Variants in KANK1 observed in about 807,000 individuals in gnomAD.
KANK1 encodes the protein KN motif and ankyrin repeat domain-containing protein 1.
Under a neutral mutation model 106.2 loss-of-function variants are expected in KANK1, and 109 were observed. That is an observed-to-expected ratio of 1.03 (90% CI 0.88 to 1.20). The LOEUF (loss-of-function observed/expected upper bound fraction) is 1.20, where lower values mean the gene tolerates loss of function less well. Among genes scored for constraint, KANK1 ranks in the 50% most tolerant of loss-of-function variants. The pLI, the probability that KANK1 is intolerant of heterozygous loss-of-function variation, is 0.00. For missense variants in KANK1, 2,399 were observed against 1,710.7 expected (o/e 1.40, Z -7.10); for synonymous variants, 873 against 652.2 (o/e 1.34, Z -5.16).
At chr9:645,890 A>G (rs1388592782) in intron 1 of KANK1, among the ~76,000 whole-genome samples, 1 of 151,000 alleles carries the variant, frequency 6.6e-6, no homozygotes, top group Non-Finnish European at 1.5e-5. Context: ...TCTATACAAC[A>G]AAAACAAAGC....
intron 3 of KANK1, among the ~76,000 whole-genome samples, chr9:729,463 G>A (rs1003771725): frequency 1.3e-5 from 2 of 152,202 alleles, no homozygotes; most frequent in African/African-American, 4.8e-5. Context: ...AAGGGCATAA[G>A]CTGAGGCATG....
At chr9:480,449 T>G (rs557295956) in intron 3 of KANK1, among the ~76,000 whole-genome samples, 87 of 152,300 alleles carry the variant, frequency 5.7e-4, no homozygotes, top group African/African-American at 2.0e-3. Flanking sequence ...CAAAGTCAAA[T>G]GTGGTTCTAA....
At chr9:477,584 G>A (rs1410648081) in intron 3 of KANK1, among the ~76,000 whole-genome samples, 1 of 152,170 alleles carries the variant, frequency 6.6e-6, no homozygotes, top group East Asian at 1.9e-4. Flanking sequence ...AGAGATTAAA[G>A]GGGAAAAGTG....
At chr9:599,641 G>C (rs1310928497) in intron 1 of KANK1, among the ~76,000 whole-genome samples, 1 of 151,770 alleles carries the variant, frequency 6.6e-6, no homozygotes, top group Admixed American at 6.5e-5. Flanking sequence ...AACATCATGG[G>C]TCCACTTATA....
Position 654,340 on chromosome 9 carries a change from A to G in KANK1, c.-83-22550A>G, listed in dbSNP as rs114397082. ...TTTCCAAATTTTGCTGAAGACAAGA[A>G]TCAGTTGAGAATGTTTGTTAGAAAT... On this transcript the variant is annotated intron_variant, in intron 1 of 11. Transcript: ENST00000382297. Among the ~76,000 whole-genome samples, 1,030 of 152,324 alleles carry G rather than the reference A, an allele frequency of 6.8e-3. 19 individuals carry two copies. The highest frequency in any genetic ancestry group is 0.023 in the African/African-American group (976 of 41,558).
chr9:666,843 T>A (rs552712131), intron 1 of KANK1, among the ~76,000 whole-genome samples: 4 of 151,642 alleles, frequency 2.6e-5, no homozygotes, highest in African/African-American at 7.3e-5. Context: ...AGTTTGTTAA[T>A]ATTTTTTGTT....
chr9:669,312 T>C (rs1845376990), intron 1 of KANK1, among the ~76,000 whole-genome samples: 2 of 152,194 alleles, frequency 1.3e-5, no homozygotes, highest in South Asian at 4.1e-4. Flanking sequence ...GTAGGTTTTA[T>C]ACCTTCAAAT....
intron 1 of KANK1, among the ~76,000 whole-genome samples, chr9:528,445 C>T (rs1313992616): frequency 2.0e-5 from 3 of 148,194 alleles, no homozygotes; most frequent in Non-Finnish European, 4.5e-5. Context: ...TACCTTACAA[C>T]CATTTTACTG....
intron 1 of KANK1, among the ~76,000 whole-genome samples, chr9:522,736 A>C (rs1386304940): frequency 6.6e-6 from 1 of 151,636 alleles, no homozygotes; most frequent in Non-Finnish European, 1.5e-5. Context: ...ATCTCATAGA[A>C]TTCTGTAAAC....
intron 1 of KANK1, among the ~76,000 whole-genome samples, chr9:536,063 C>T (rs919166669): frequency 2.0e-5 from 3 of 152,072 alleles, no homozygotes; most frequent in East Asian, 1.9e-4. Context: ...ACGTGTGGGG[C>T]GCGGTGGCTC....
intron 1 of KANK1, among the ~76,000 whole-genome samples, chr9:669,975 T>G (rs1845519723): frequency 6.6e-6 from 1 of 152,182 alleles, no homozygotes; most frequent in African/African-American, 2.4e-5. Flanking sequence ...GTCTTTGGGC[T>G]GACTGATTCT....
chr9:648,723 G>T (rs1321005505), intron 1 of KANK1, among the ~76,000 whole-genome samples: 1 of 152,126 alleles, frequency 6.6e-6, no homozygotes, highest in Non-Finnish European at 1.5e-5. Flanking sequence ...TCTGTTGCGG[G>T]GGAGAGTATC....
chr9:493,728 G>T (rs904692749), intron 3 of KANK1, among the ~76,000 whole-genome samples: 1 of 151,058 alleles, frequency 6.6e-6, no homozygotes, highest in African/African-American at 2.4e-5. Flanking sequence ...TTGTATTTTA[G>T]TAGAGACAGG....
chr9:671,701 A>G (rs1176353998), intron 1 of KANK1, among the ~76,000 whole-genome samples: 2 of 151,130 alleles, frequency 1.3e-5, no homozygotes, highest in Non-Finnish European at 2.9e-5. Context: ...TAAATGTGTT[A>G]CTCCAAGGAA....
chr9:738,802 A>C (rs1325896815), intron 8 of KANK1, among the ~76,000 whole-genome samples: 1 of 152,210 alleles, frequency 6.6e-6, no homozygotes, highest in Non-Finnish European at 1.5e-5. Context: ...AGCATGTCTC[A>C]CGTTCCCTCC....
intron 1 of KANK1, among the ~76,000 whole-genome samples, chr9:505,737 C>T (rs1195158452): frequency 1.3e-5 from 2 of 152,212 alleles, no homozygotes; most frequent in Non-Finnish European, 2.9e-5. Flanking sequence ...GTCAGCCCAT[C>T]TTATTAAATA....
intron 2 of KANK1, chr9:684,202 T>C (rs1339980073): frequency 2.0e-6 from 2 of 985,408 alleles, no homozygotes; most frequent in Middle Eastern, 5.2e-4. Context: ...CCAGTCATAA[T>C]GGCTTAAGCA....
chr9:547,241 AG>A (rs1226841470), intron 1 of KANK1: 1 of 152,210 alleles, frequency 6.6e-6, no homozygotes, highest in Non-Finnish European at 1.5e-5. Context: ...CTCTAACGTC[AG>A]GCTGGCAGTA....
chr9:610,601 C>G (rs1360860712), intron 1 of KANK1, among the ~76,000 whole-genome samples: 1 of 152,206 alleles, frequency 6.6e-6, no homozygotes, highest in Non-Finnish European at 1.5e-5. Context: ...TCCATGCCCC[C>G]TTGACTCTGA....
Sources: gnomAD v4.1 joint callset for allele counts (sites outside exome capture counted in the v4.1 genomes callset) on GRCh38, gnomAD v4.1.1 for gene constraint, MANE v1.5 for transcripts, NCBI Gene and HGNC (gene_info 2026-07-23, HGNC 2026-07-21) for gene names.